The following R3HCC1L variants were observed in gnomAD, a reference collection of about 807,000 sequenced individuals.
R3HCC1L encodes the protein R3H domain and coiled-coil containing 1 like.
In R3HCC1L, 51 loss-of-function variants were observed where a neutral mutation model predicts 59.9. The ratio of observed to expected loss-of-function variants is 0.85; its 90% confidence interval spans 0.68 to 1.07. R3HCC1L has a LOEUF of 1.07. Among genes scored for constraint, R3HCC1L ranks in the 50% least tolerant of loss-of-function variants. R3HCC1L has a pLI of 0.00. For missense variants in R3HCC1L, 965 were observed against 933.0 expected, an observed-to-expected ratio of 1.03 and a Z score of -0.45; for synonymous variants, 322 against 315.2, an observed-to-expected ratio of 1.02 and a Z score of -0.23.
rs542881265 is a variant in R3HCC1L at position 98,209,238 on chromosome 10, C to G, written c.1124C>G (p.Ala375Gly). 1.2e-6 allele frequency: 2 copies of G among 1,613,766 alleles called. No homozygotes were observed. The highest frequency in any genetic ancestry group is 1.3e-5 in the African/African-American group (1 of 75,012). Residue 375 changes from alanine to glycine, a missense_variant, in exon 5 of 10, where the codon GCA becomes GGA. Ala to Gly is a moderately conservative substitution (Grantham distance 60). Coordinates refer to ENST00000298999, the MANE Select transcript of R3HCC1L (RefSeq NM_001351015.2). Reference protein sequence around the residue: ...FKNVGDITNKACMMDTTGMSC... With the variant: ...FKNVGDITNKGCMMDTTGMSC... ...AATGTAGGTGACATTACCAATAAAGCATGTATGATGGACACTACAGGTATG... is the reference window on the plus strand; with the variant it reads ...AATGTAGGTGACATTACCAATAAAGGATGTATGATGGACACTACAGGTATG...
rs761872252 is a variant in R3HCC1L at position 98,209,717 on chromosome 10, G to GCC, written c.1603_1604insCC (p.Asp535AlafsTer6). 1.9e-6 allele frequency: 3 copies of GCC among 1,613,808 alleles called. No individual in the cohort carries two copies. The African/African-American group carries it at 4.0e-5, about 22-fold the overall frequency. ...AGAGTTCAAAACAGAAGAGCAAGAT[G>GCC]ACTCAGGGAGTATAGAATTTGGTGT... is the stretch of plus-strand genomic sequence containing the variant. On this transcript the variant is annotated frameshift_variant, in exon 5 of 10. Transcript: ENST00000298999. LOFTEE classifies it high-confidence loss of function.
intron 4 of R3HCC1L, among the ~76,000 whole-genome samples, chr10:98,198,356 G>A (rs1392370041): frequency 1.3e-5 from 2 of 151,968 alleles, no homozygotes. Context: ...TTTACAAATG[G>A]ACATATACAC....
intron 6 of R3HCC1L, 73 bp downstream of exon 6, chr10:98,231,760 A>G (rs78286668): frequency 1.2e-5 from 17 of 1,395,684 alleles, no homozygotes; most frequent in Non-Finnish European, 1.5e-5. Flanking sequence ...CTGAGAAATC[A>G]TCTCTTGTTT....
At chr10:98,228,935 T>C (rs1309907154) in intron 5 of R3HCC1L, among the ~76,000 whole-genome samples, 3 of 152,194 alleles carry the variant, frequency 2.0e-5, no homozygotes, top group Non-Finnish European at 4.4e-5. Context: ...TCTGTTCCAT[T>C]GGCCTGTATC....
chr10:98,229,736 T>C (rs911320251), intron 5 of R3HCC1L, among the ~76,000 whole-genome samples: 1 of 152,218 alleles, frequency 6.6e-6, no homozygotes, highest in African/African-American at 2.4e-5. Flanking sequence ...ATGGCTCTTA[T>C]TATTTTGAGA....
intron 4 of R3HCC1L, among the ~76,000 whole-genome samples, chr10:98,186,844 A>T (rs1025709327): frequency 6.6e-6 from 1 of 152,052 alleles, no homozygotes; most frequent in Non-Finnish European, 1.5e-5. Flanking sequence ...TGATTTAGAA[A>T]TTTTTTGCTT....
chr10:98,184,132 G>T (rs1849976746), intron 4 of R3HCC1L, among the ~76,000 whole-genome samples: 1 of 151,802 alleles, frequency 6.6e-6, no homozygotes. Context: ...TTTACCACAG[G>T]CTTAAAGTTT....
intron 1 of R3HCC1L, among the ~76,000 whole-genome samples, chr10:98,153,627 A>AG: frequency 6.6e-6 from 1 of 151,404 alleles, no homozygotes; most frequent in African/African-American, 2.4e-5. Context: ...AAAAAAAAAA[A>AG]AAAAGAAGTT....
chr10:98,137,603 G>A (rs557469960), intron 1 of R3HCC1L, among the ~76,000 whole-genome samples: 8 of 152,082 alleles, frequency 5.3e-5, no homozygotes, highest in Non-Finnish European at 8.8e-5. Context: ...TTTAGCAATT[G>A]CATTTTATAT....
At position 98,244,658 on chromosome 10, in the gene R3HCC1L, G is replaced by T. The variant is rs1453155728; in HGVS notation, c.*500G>T. The T allele has an allele frequency of 6.5e-6, 1 of 153,518 alleles. No homozygotes were observed. Among genetic ancestry groups the T allele is most frequent in the Non-Finnish European group, 1.5e-5 (1 of 68,786 alleles). 9.5% of individuals were successfully genotyped at this position (153,518 alleles called of 1,614,324 possible). ...GTGTCTGGTTTACTTGGCATACACA[G>T]AATCTGCACTGCCGGTTCCAGAACT... On this transcript the variant is annotated 3_prime_UTR_variant, in exon 10 of 10. Transcript: ENST00000298999.
intron 1 of R3HCC1L, among the ~76,000 whole-genome samples, chr10:98,153,734 G>T (rs1846524663): frequency 6.6e-6 from 1 of 151,160 alleles, no homozygotes; most frequent in Non-Finnish European, 1.5e-5. Context: ...TTATAAACAG[G>T]ATCTAAGGTC....
chr10:98,144,052 C>A (rs1845426236), intron 1 of R3HCC1L, among the ~76,000 whole-genome samples: 1 of 151,802 alleles, frequency 6.6e-6, no homozygotes, highest in Non-Finnish European at 1.5e-5. Flanking sequence ...CTCAGTAATC[C>A]CAGCATTTTG....
Position 98,209,360 on chromosome 10 carries a change from G to T in R3HCC1L, c.1246G>T (p.Val416Leu). 6.2e-7 allele frequency: 1 copy of T among 1,614,002 alleles called. No homozygotes were observed. Residue 416 changes from valine to leucine, a missense_variant, in exon 5 of 10, where the codon GTA (valine) becomes TTA (leucine). Val to Leu is a conservative substitution (Grantham distance 32). Coordinates refer to ENST00000298999, the MANE Select transcript of R3HCC1L (RefSeq NM_001351015.2). Reference sequence around the variant, plus strand: ...TAATACACGAAGTTTCTCAAAGTTTGTAGGAATGAGTGCAGATGCAACCCC... The same window carrying T: ...TAATACACGAAGTTTCTCAAAGTTTTTAGGAATGAGTGCAGATGCAACCCC... Reference protein sequence around the residue: ...SINTRSFSKFVGMSADATPLH... With the variant: ...SINTRSFSKFLGMSADATPLH...
At chr10:98,186,546 A>G in intron 4 of R3HCC1L, 1 of 971,832 alleles carries the variant, frequency 1.0e-6, no homozygotes, top group African/African-American at 1.8e-5. Context: ...GTCTTCTGAG[A>G]CTCCAGAGTC....
chr10:98,209,146 T>C lies in R3HCC1L; in HGVS notation c.1032T>C (p.His344=). The C allele has an allele frequency of 6.2e-7, 1 of 1,614,018 alleles. No individual in the cohort carries two copies. Among genetic ancestry groups the C allele is most frequent in the South Asian group, 1.1e-5 (1 of 91,074 alleles). ...ATGACAGCACTGCTGATGAGTTACA[T>C]GTAAAGCACGAACCTCCTGATACAG... ...EKNDSTADEL[H]VKHEPPDTAV... Residue 344 remains histidine, a synonymous_variant, in exon 5 of 10, where the codon CAT becomes CAC. Coordinates refer to ENST00000298999, the MANE Select transcript of R3HCC1L (RefSeq NM_001351015.2).
intron 4 of R3HCC1L, among the ~76,000 whole-genome samples, chr10:98,191,607 T>C (rs1850862185): frequency 6.6e-6 from 1 of 152,246 alleles, no homozygotes; most frequent in East Asian, 1.9e-4. Flanking sequence ...GCAGGTTGCC[T>C]GTGCACTCTG....
intron 8 of R3HCC1L, 139 bp downstream of exon 8, chr10:98,235,659 TAAATA>T: frequency 4.0e-6 from 3 of 756,054 alleles, no homozygotes; most frequent in Non-Finnish European, 4.1e-6. Flanking sequence ...TAAGAAAAAA[TAAATA>T]AAAGGGAAAT....
rs1470997702 is a variant in R3HCC1L, at chr10:98,153,039, G to A, written c.-267-3054G>A. Among the ~76,000 whole-genome samples the A allele has an allele frequency of 9.3e-5, 14 of 150,396 alleles. No individual in the cohort carries two copies. In the East Asian group the frequency reaches 2.2e-3, roughly 24 times the overall value. On this transcript the variant is annotated intron_variant, in intron 1 of 9. Transcript: ENST00000298999. ...CGCCGCCCCGTCCGGGAGGTGGGGG[G>A]CGCCTCTGCCCGGCCGCCCCTTCTG...
chr10:98,174,670 C>T (rs1848824418), intron 4 of R3HCC1L: 4 of 984,852 alleles, frequency 4.1e-6, no homozygotes, highest in Middle Eastern at 5.2e-4. Flanking sequence ...GACAATGAGG[C>T]CATCCTGCCC....
Sources: gnomAD v4.1 joint callset for allele counts (sites outside exome capture counted in the v4.1 genomes callset) on GRCh38, gnomAD v4.1.1 for gene constraint, MANE v1.5 for transcripts, NCBI Gene and HGNC (gene_info 2026-07-23, HGNC 2026-07-21) for gene names.